The following AMBP variants were observed in gnomAD, a reference collection of about 807,000 sequenced individuals.
AMBP encodes the protein protein AMBP.
In AMBP, 37 loss-of-function variants were observed where a neutral mutation model predicts 46.3. That is an observed-to-expected ratio of 0.80 (90% CI 0.61 to 1.05). AMBP has a LOEUF of 1.05. Ranked by LOEUF, AMBP falls within the 50% of genes least tolerant of loss-of-function variation. The pLI is 0.00. For missense variants in AMBP, 475 were observed against 461.2 expected, an observed-to-expected ratio of 1.03 and a Z score of -0.27; for synonymous variants, 174 against 175.9, an observed-to-expected ratio of 0.99 and a Z score of 0.09.
At chr9:114,074,179 AG>A in intron 3 of AMBP, 27 bp from the exon 4 acceptor site, 9 of 1,587,842 alleles carry the variant, frequency 5.7e-6, no homozygotes, top group Non-Finnish European at 7.8e-6. Flanking sequence ...GGCAGACCAA[AG>A]GGATCAGTGG....
In AMBP at chr9:114,062,675, A is replaced by T; in HGVS notation, c.685+2T>A. 1 of 1,613,364 alleles carries T rather than the reference A, an allele frequency of 6.2e-7. No individual in the cohort carries two copies. The highest frequency in any genetic ancestry group is 8.5e-7 in the Non-Finnish European group (1 of 1,179,950). ...GGGGGTGAAAAGGCAGGTGTTCATT[A>T]CCTTCTTTCTTGGTGACTTCAGTTA... On this transcript the variant is annotated splice_donor_variant, in intron 7 of 9. Transcript: ENST00000265132. LOFTEE classifies it high-confidence loss of function.
At chr9:114,072,518 G>C (rs1258651663) in intron 5 of AMBP, among the ~76,000 whole-genome samples, 2 of 152,194 alleles carry the variant, frequency 1.3e-5, no homozygotes, top group Non-Finnish European at 2.9e-5. Context: ...GGTGGAACAA[G>C]CCCAGCAGGC....
intron 6 of AMBP, 22 bp downstream of exon 6, chr9:114,069,677 G>C: frequency 6.2e-7 from 1 of 1,606,952 alleles, no homozygotes; most frequent in African/African-American, 1.3e-5. Flanking sequence ...GGTGGGATGG[G>C]GTCGGGGGAT....
intron 6 of AMBP, among the ~76,000 whole-genome samples, chr9:114,067,837 C>T (rs1159507639): frequency 6.6e-6 from 1 of 152,140 alleles, no homozygotes; most frequent in Non-Finnish European, 1.5e-5. Flanking sequence ...CCTTCTCAAA[C>T]ATGGGAGAAT....
intron 1 of AMBP, 63 bp downstream of exon 1, chr9:114,078,030 G>A: frequency 6.5e-7 from 1 of 1,542,138 alleles, no homozygotes; most frequent in African/African-American, 1.4e-5. Context: ...TTGCCCAGCA[G>A]GGCCCATCTG....
intron 1 of AMBP, among the ~76,000 whole-genome samples, chr9:114,077,327 G>A (rs769262975): frequency 5.3e-5 from 8 of 152,092 alleles, no homozygotes; most frequent in African/African-American, 1.7e-4. Context: ...CCTCTGCCAC[G>A]ACCTTTCCTT....
chr9:114,061,882 C>A (rs1471552768), intron 7 of AMBP, among the ~76,000 whole-genome samples: 6 of 152,084 alleles, frequency 3.9e-5, no homozygotes, highest in African/African-American at 1.4e-4. Flanking sequence ...TGCCCCAAAA[C>A]TCTGTAATAG....
At chr9:114,061,951 C>CT (rs1037458285) in intron 7 of AMBP, among the ~76,000 whole-genome samples, 20 of 152,194 alleles carry the variant, frequency 1.3e-4, no homozygotes, top group African/African-American at 4.8e-4. Flanking sequence ...TCACCAAGTC[C>CT]CACCCACCCT....
rs1353211432 is a variant in AMBP, at chr9:114,072,945, A to T, written c.536T>A (p.Ile179Asn). 1 of 1,613,758 alleles carries T rather than the reference A, an allele frequency of 6.2e-7. No individual in the cohort carries two copies. Among genetic ancestry groups the T allele is most frequent in the Non-Finnish European group, 8.5e-7 (1 of 1,179,862 alleles). The change falls in exon 5 of 10, where the codon ATC (isoleucine) becomes AAC (asparagine). Residue 179 changes from isoleucine to asparagine, a missense_variant. Physicochemically the swap from Ile to Asn is moderately radical, Grantham distance 149 (BLOSUM62 -3). Transcript: ENST00000265132. ...AQGVGIPEDSIFTMADRGECV... is the reference protein window; with the variant it reads ...AQGVGIPEDSNFTMADRGECV... ...TGTACCTCGGTCAGCCATGGTGAAG[A>T]TGGAGTCCTCAGGGATGCCCACACC...
chr9:114,068,893 G>A (rs991682337), intron 6 of AMBP, among the ~76,000 whole-genome samples: 1 of 142,030 alleles, frequency 7.0e-6, no homozygotes, highest in African/African-American at 2.6e-5. Context: ...CCATTTATTA[G>A]TTTTGTAAGA....
rs1196284067 is a variant in AMBP at position 114,069,748 on chromosome 9, A to G, written c.557-3T>C. ...CTGCTCCCCAGGGACACATTCACCT[A>G]GGTCACAGAGCAGGAGAGAGGAGTG... On this transcript the variant is annotated splice_region_variant and splice_polypyrimidine_tract_variant and intron_variant, in intron 5 of 9. Transcript: ENST00000265132. 1.2e-6 allele frequency: 2 copies of G among 1,614,020 alleles called. No individual in the cohort carries two copies. The highest frequency in any genetic ancestry group is 1.7e-6 in the Non-Finnish European group (2 of 1,180,028).
intron 7 of AMBP, among the ~76,000 whole-genome samples, chr9:114,062,282 T>C (rs950309082): frequency 2.0e-5 from 3 of 152,230 alleles, no homozygotes; most frequent in South Asian, 4.1e-4. Flanking sequence ...GAAGTTGTTA[T>C]GTCATGGACA....
At position 114,074,117 on chromosome 9, in the gene AMBP, T is replaced by A. The variant is rs1449780952; in HGVS notation, c.373A>T (p.Thr125Ser). ...AAAATGGCATACTCATCATAGTTGG[T>A]GTGGACCACATAGGACTCCATGGTT... is the stretch of plus-strand genomic sequence containing the variant. The part of the protein sequence containing the change: ...NITMESYVVH[T>S]NYDEYAIFLT... Residue 125 changes from threonine to serine, a missense_variant, in exon 4 of 10, where the codon ACC (threonine) becomes TCC (serine). By Grantham distance (58) the Thr-to-Ser change is moderately conservative. Around this residue, in one of 3 missense-constraint regions of AMBP, gnomAD observed 179 missense variants for 167.4 expected, o/e 1.07. Transcript: ENST00000265132. The A allele has an allele frequency of 6.2e-7, 1 of 1,614,168 alleles. No homozygotes were observed. The highest frequency in any genetic ancestry group is 8.5e-7 in the Non-Finnish European group (1 of 1,180,036).
At chr9:114,068,297 TA>T (rs1301450287) in intron 6 of AMBP, among the ~76,000 whole-genome samples, 1 of 151,052 alleles carries the variant, frequency 6.6e-6, no homozygotes, top group Non-Finnish European at 1.5e-5. Flanking sequence ...TCAGTTTCTT[TA>T]AACAAAAAAA....
chr9:114,064,119 G>T (rs1323315651), intron 6 of AMBP, among the ~76,000 whole-genome samples: 1 of 152,106 alleles, frequency 6.6e-6, no homozygotes, highest in Non-Finnish European at 1.5e-5. Context: ...TGTAACCCAG[G>T]GATCCTTCAC....
Position 114,078,220 on chromosome 9 carries a change from T to A in AMBP, c.-11A>T. 1 of 1,610,018 alleles carries A rather than the reference T, an allele frequency of 6.2e-7. No homozygotes were observed. The highest frequency in any genetic ancestry group is 8.5e-7 in the Non-Finnish European group (1 of 1,178,932). The stretch of plus-strand genomic sequence containing the variant: ...CCCGAGGCTCCTCATGGCTATGGGC[T>A]CCTCTGCCTTGGTATATCCCACAGG... On this transcript the variant is annotated 5_prime_UTR_variant, in exon 1 of 10. Coordinates refer to ENST00000265132, the MANE Select transcript of AMBP (RefSeq NM_001633.4).
intron 1 of AMBP, 45 bp from the exon 2 acceptor site, chr9:114,076,785 T>C (rs773137517): frequency 6.3e-7 from 1 of 1,599,980 alleles, no homozygotes; most frequent in Non-Finnish European, 8.5e-7. Context: ...GTCTCAGACC[T>C]CAAAGCAGAC....
rs550950771 is a variant in AMBP, at chr9:114,073,504, T to G, written c.455-478A>C. On this transcript the variant is annotated intron_variant, in intron 4 of 9. Coordinates refer to ENST00000265132, the MANE Select transcript of AMBP (RefSeq NM_001633.4). ...TGGTCTCAATCCCTGTTTTTTTTTT[T>G]TTTTTTTTTTTGAGACAGGGTCTTG... 1.7e-4 allele frequency among the ~76,000 whole-genome samples: 26 copies of G among 150,178 alleles called. No individual in the cohort carries two copies. The South Asian group carries it at 4.7e-3, about 27-fold the overall frequency.
Position 114,062,499 on chromosome 9 carries a change from C to T in AMBP, c.685+178G>A, listed in dbSNP as rs1846650299. Among the ~76,000 whole-genome samples, 4 of 152,222 alleles carry T rather than the reference C, an allele frequency of 2.6e-5. No homozygotes were observed. In the South Asian group the frequency reaches 8.3e-4, roughly 32 times the overall value. ...CCAGGACGATGCCTCATGCTCTTCTCTCTGCCCCCACAACCCCTGGCAGAG... is the reference window on the plus strand; with the variant it reads ...CCAGGACGATGCCTCATGCTCTTCTTTCTGCCCCCACAACCCCTGGCAGAG... On this transcript the variant is annotated intron_variant, in intron 7 of 9. Coordinates refer to ENST00000265132, the MANE Select transcript of AMBP (RefSeq NM_001633.4).
Sources: gnomAD v4.1 joint callset for allele counts (sites outside exome capture counted in the v4.1 genomes callset) on GRCh38, gnomAD v4.1.1 for gene constraint, gnomAD v4.1.1 regional missense constraint, MANE v1.5 for transcripts, NCBI Gene and HGNC (gene_info 2026-07-23, HGNC 2026-07-21) for gene names.